Variants in PLCH2 observed in about 807,000 individuals in gnomAD.
The protein encoded by PLCH2 is phospholipase C eta 2.
PLCH2 carries 98 observed loss-of-function variants against 134.7 expected under a neutral mutation model. The observed-to-expected ratio is 0.73, with a 90% CI of 0.62 to 0.86. PLCH2 has a LOEUF of 0.86. Ranked by LOEUF, PLCH2 falls within the 40% of genes least tolerant of loss-of-function variation. The pLI, the probability that PLCH2 is intolerant of heterozygous loss-of-function variation, is 0.00. For synonymous variants in PLCH2, 974 were observed against 827.5 expected (o/e 1.18, Z -3.04); for missense variants, 1,994 against 1,986.6 (o/e 1.00, Z -0.07).
chr1:2,452,420 C>T (rs1187559180), intron 2 of PLCH2, among the ~76,000 whole-genome samples: 4 of 152,106 alleles, frequency 2.6e-5, no homozygotes, highest in African/African-American at 9.7e-5. Context: ...GATGGGAGCC[C>T]TTGATCCTGC....
intron 8 of PLCH2, 76 bp downstream of exon 8, chr1:2,487,794 A>C (rs2100684502): frequency 7.3e-7 from 1 of 1,368,246 alleles, no homozygotes; most frequent in South Asian, 1.3e-5. Context: ...TCTTCCTGCC[A>C]CACCCACATG....
exon 1 of PLCH2, chr1:2,467,567 GGGCCCGGTGTCCCTCGGGCCGTGCC>G: frequency 2.5e-6 from 1 of 402,664 alleles, no homozygotes; most frequent in Non-Finnish European, 4.4e-6. Context: ...GGCCAGCACA[GGGCCCGGTGTCCCTCGGGCCGTGCC>G]GGTAACTGGG....
chr1:2,422,202 G>A (rs1214675273), upstream of PLCH2, among the ~76,000 whole-genome samples: 2 of 152,188 alleles, frequency 1.3e-5, no homozygotes, highest in Non-Finnish European at 2.9e-5. Context: ...CCAGGAGGTG[G>A]AAGTTGCAGT....
chr1:2,445,954 C>T (rs1029572843), intron 2 of PLCH2, among the ~76,000 whole-genome samples: 6 of 152,220 alleles, frequency 3.9e-5, no homozygotes, highest in African/African-American at 9.6e-5. Context: ...GCCGTCTGTC[C>T]GGGAACGGAG....
In PLCH2 at chr1:2,459,612, C is replaced by T. The variant is rs1640703986; in HGVS notation, c.116-18864C>T. Among the ~76,000 whole-genome samples, 2 of 113,648 alleles carry T rather than the reference C, an allele frequency of 1.8e-5. 1 individual carries two copies. The highest frequency in any genetic ancestry group is 3.6e-5 in the Non-Finnish European group (2 of 55,064). The allele number at this position is 113,648 out of a possible 152,430, so 74.6% of individuals were successfully genotyped here. On this transcript the variant is annotated intron_variant, in intron 2 of 3. Coordinates refer to the PLCH2 transcript ENST00000609981. Reference sequence around the variant, plus strand: ...GGTGGTCTTCCTTTCCGGTGGTCCTCCTTGCCTGTGGTCCTCCTTGCCTGT... The same window carrying T: ...GGTGGTCTTCCTTTCCGGTGGTCCTTCTTGCCTGTGGTCCTCCTTGCCTGT...
rs754749267 is a variant in PLCH2 at position 2,499,132 on chromosome 1, C to T, written c.2483C>T (p.Pro828Leu). 23 of 1,612,634 alleles carry T rather than the reference C, an allele frequency of 1.4e-5. No homozygotes were observed. Among genetic ancestry groups the T allele is most frequent in the African/African-American group, 6.7e-5 (5 of 74,924 alleles). ...ACCCTGGTTTTCATGGTGCACATGC[C>T]GGAGATCGCGCTGGTCCGCTTCCTC... ...EETLVFMVHM[P>L]EIALVRFLVW... The change falls in exon 19 of 22, where the codon CCG (proline) becomes CTG (leucine). Residue 828 changes from proline (P) to leucine (L), a missense_variant. Transcript: ENST00000378486.
intron 21 of PLCH2, chr1:2,503,283 C>G (rs897874812): frequency 2.7e-5 from 15 of 565,104 alleles, no homozygotes; most frequent in Non-Finnish European, 4.1e-5. Context: ...GCCCCTGATG[C>G]CTTTCCTGGG....
Position 2,494,885 on chromosome 1 carries a change from G to T in PLCH2, c.1689G>T (p.Gly563=). 1.2e-6 allele frequency: 2 copies of T among 1,607,126 alleles called. No homozygotes were observed. ...AGGCTGAAGAGGACGTGGAGTCTGG[G>T]GAGGATGCCGGGGCCAGCAGACGCA... ...KSKAEEDVES[G]EDAGASRRNG... The change falls in exon 12 of 22, where the codon GGG becomes GGT. Residue 563 remains glycine, a synonymous_variant. Coordinates refer to ENST00000378486, the MANE Select transcript of PLCH2 (RefSeq NM_014638.4).
rs900764818 is a variant in PLCH2 at position 2,478,724 on chromosome 1, C to A, written c.271+102C>A. 5 of 1,208,076 alleles carry A rather than the reference C, an allele frequency of 4.1e-6. No homozygotes were observed. In the African/African-American group the frequency reaches 4.5e-5, roughly 11 times the overall value. The allele number at this position is 1,208,076 out of a possible 1,614,324, so 74.8% of individuals were successfully genotyped here. ...CACTGATGGCTGAGGAGCAGCGAGA[C>A]CCTAGGCCTGGACACCTCTGGGCTC... On this transcript the variant is annotated intron_variant, in intron 2 of 21. Coordinates refer to ENST00000378486, the MANE Select transcript of PLCH2 (RefSeq NM_014638.4).
Position 2,504,174 on chromosome 1 carries a change from C to T in PLCH2, c.3212C>T (p.Ala1071Val). ...GGCGCCGGCGGGGCATACGAGAGGGCCCCCGGCAGCCAGACGGACGGCAGG... is the reference window on the plus strand; with the variant it reads ...GGCGCCGGCGGGGCATACGAGAGGGTCCCCGGCAGCCAGACGGACGGCAGG... The part of the protein sequence containing the change: ...GEGAGGAYER[A>V]PGSQTDGRSQ... The change falls in exon 22 of 22, where the codon GCC becomes GTC. Residue 1071 changes from alanine to valine, a missense_variant. Transcript: ENST00000378486. 2.0e-6 allele frequency: 3 copies of T among 1,534,402 alleles called. No individual in the cohort carries two copies. The highest frequency in any genetic ancestry group is 1.2e-5 in the South Asian group (1 of 82,836).
chr1:2,485,756 C>T (rs572746505), intron 5 of PLCH2, among the ~76,000 whole-genome samples: 11 of 152,208 alleles, frequency 7.2e-5, no homozygotes, highest in African/African-American at 2.4e-4. Flanking sequence ...GGTCTGAGGG[C>T]GAGGATGGGA....
At position 2,504,281 on chromosome 1, in the gene PLCH2, G is replaced by A. The variant is rs1570512391; in HGVS notation, c.3319G>A (p.Gly1107Arg). The change falls in exon 22 of 22, where the codon GGG becomes AGG. Residue 1107 changes from glycine to arginine, a missense_variant. Physicochemically the swap from Gly to Arg is moderately radical, Grantham distance 125. Transcript: ENST00000378486. ...GCAGGTGCCCACGGAGCCCCTGGGAGGGTGGCGGCCCCTGGCCGCTCCCTT... is the reference window on the plus strand; with the variant it reads ...GCAGGTGCCCACGGAGCCCCTGGGAAGGTGGCGGCCCCTGGCCGCTCCCTT... ...EGQVPTEPLG[G>R]WRPLAAPFPA... The A allele has an allele frequency of 2.5e-6, 4 of 1,595,056 alleles. No homozygotes were observed. The highest frequency in any genetic ancestry group is 1.7e-4 in the Middle Eastern group (1 of 5,968).
rs1484019788 is a variant in PLCH2, at chr1:2,495,545, G to A, written c.1810G>A (p.Asp604Asn). The A allele has an allele frequency of 6.4e-7, 1 of 1,550,722 alleles. No homozygotes were observed. Among genetic ancestry groups the A allele is most frequent in the Non-Finnish European group, 8.7e-7 (1 of 1,146,726 alleles). Residue 604 changes from aspartate to asparagine, a missense_variant, in exon 13 of 22, where the codon GAC (aspartate) becomes AAC (asparagine). Asp to Asn is a conservative substitution (Grantham distance 23). Transcript: ENST00000378486. ...ASVEEGDEGQ[D>N]SPGGQSRGAT... is the part of the protein sequence containing the mutation. The stretch of plus-strand genomic sequence containing the variant: ...CGTGGAGGAGGGAGATGAGGGTCAG[G>A]ACTCCCCGGGAGGCCAGAGCCGAGG...
chr1:2,488,670 C>T lies in PLCH2; in HGVS notation c.1236-537C>T, dbSNP rs548656011. Among the ~76,000 whole-genome samples the T allele has an allele frequency of 3.0e-4, 45 of 152,352 alleles. 2 individuals carry two copies. The South Asian group carries it at 9.3e-3, about 32-fold the overall frequency. On this transcript the variant is annotated intron_variant, in intron 8 of 21. Transcript: ENST00000378486. Reference sequence around the variant, plus strand: ...CTGAAAAGCTTATAATTAAAAGTCCCTGCTATACTCCCCATTCTGCACTGT... The same window carrying T: ...CTGAAAAGCTTATAATTAAAAGTCCTTGCTATACTCCCCATTCTGCACTGT...
chr1:2,498,255 C>T lies in PLCH2; in HGVS notation c.2225-268C>T. The T allele has an allele frequency of 2.1e-6, 1 of 485,404 alleles. No individual in the cohort carries two copies. Among genetic ancestry groups the T allele is most frequent in the Non-Finnish European group, 3.7e-6 (1 of 272,078 alleles). The allele number at this position is 485,404 out of a possible 1,614,324, so 30.1% of individuals were successfully genotyped here. On this transcript the variant is annotated intron_variant, in intron 16 of 21. Transcript: ENST00000378486. The surrounding 1 kb of genome is among the most constrained non-coding windows in gnomAD (Gnocchi z 5.4). ...CCCTCATACCCCCAGGGACCCAGAC[C>T]CACCCCCAGAAGCCATGTGACCTCC...
intron 8 of PLCH2, 56 bp from the exon 9 acceptor site, chr1:2,489,151 T>C (rs10752744): frequency 0.78 from 1,181,137 of 1,515,952 alleles, 462,523 homozygotes; most frequent in East Asian, 0.99. Flanking sequence ...GAGGTGGGGC[T>C]TACCCATCCT....
intron 1 of PLCH2, among the ~76,000 whole-genome samples, 158 bp from the exon 2 acceptor site, chr1:2,478,318 G>A (rs1046125439): frequency 6.6e-6 from 1 of 152,212 alleles, no homozygotes; most frequent in African/African-American, 2.4e-5. Flanking sequence ...CACTGGCAGG[G>A]CGGTGTGGGC....
At chr1:2,447,514 G>GCC (rs1010671323) in intron 2 of PLCH2, among the ~76,000 whole-genome samples, 1 of 152,218 alleles carries the variant, frequency 6.6e-6, no homozygotes, top group Non-Finnish European at 1.5e-5. Context: ...ACCAGGGGAG[G>GCC]CCCCGTGTTG....
At chr1:2,445,960 C>T (rs536807821) in intron 2 of PLCH2, among the ~76,000 whole-genome samples, 4 of 152,322 alleles carry the variant, frequency 2.6e-5, no homozygotes, top group African/African-American at 7.2e-5. Flanking sequence ...TGTCCGGGAA[C>T]GGAGGGAGCC....
Sources: allele counts gnomAD v4.1 joint callset (sites outside exome capture counted in the v4.1 genomes callset), GRCh38; gene constraint gnomAD v4.1.1; non-coding constraint Gnocchi (gnomAD v3.1); transcripts MANE v1.5; gene names NCBI Gene and HGNC (gene_info 2026-07-23, HGNC 2026-07-21).